CDH1: variants seen among roughly 807,000 people sequenced by gnomAD.
CDH1 encodes cadherin-1.
A neutral mutation model predicts 84.5 loss-of-function variants in CDH1; 35 were observed. The observed-to-expected ratio is 0.41, with a 90% CI of 0.32 to 0.55. The LOEUF is 0.55. Among genes scored for constraint, CDH1 ranks in the 20% least tolerant of loss-of-function variants. CDH1 has a pLI of 0.19. For missense variants in CDH1, 994 were observed against 1,126.6 expected (o/e 0.88, Z 1.68); for synonymous variants, 417 against 439.0 (o/e 0.95, Z 0.63).
At chr16:68,805,746 C>T (rs1409391486) in intron 3 of CDH1, among the ~76,000 whole-genome samples, 1 of 151,880 alleles carries the variant, frequency 6.6e-6, no homozygotes, top group East Asian at 1.9e-4. Flanking sequence ...AGGTGTGCAC[C>T]ACCACACCCA....
At chr16:68,793,930 CAAA>C (rs35590027) in intron 2 of CDH1, among the ~76,000 whole-genome samples, 8 of 86,456 alleles carry the variant, frequency 9.3e-5, no homozygotes, top group South Asian at 3.8e-4. Flanking sequence ...GACTCTGTCT[CAAA>C]AAAAAAAAAA....
chr16:68,781,674 A>G (rs1044922593), intron 2 of CDH1, among the ~76,000 whole-genome samples: 6 of 151,988 alleles, frequency 3.9e-5, no homozygotes, highest in Non-Finnish European at 8.8e-5. Context: ...GGGTCTCACT[A>G]TGTTGCCCAG....
intron 2 of CDH1, among the ~76,000 whole-genome samples, chr16:68,772,621 T>C (rs2152120956): frequency 6.6e-6 from 1 of 152,164 alleles, no homozygotes; most frequent in East Asian, 1.9e-4. Flanking sequence ...CACCACACTA[T>C]GTCAAATTGC....
intron 2 of CDH1, among the ~76,000 whole-genome samples, chr16:68,757,225 A>C (rs1337766382): frequency 1.3e-5 from 2 of 151,856 alleles, no homozygotes; most frequent in Non-Finnish European, 2.9e-5. Context: ...AGTAGCTGGG[A>C]TTATAGGCCA....
At chr16:68,801,971 T>C (rs369327990) in intron 3 of CDH1, 78 bp downstream of exon 3, 2 of 1,201,564 alleles carry the variant, frequency 1.7e-6, no homozygotes, top group African/African-American at 3.0e-5. Flanking sequence ...CTTGGTACCG[T>C]TGACATTTTG....
At chr16:68,820,179 A>G (rs1184593681) in intron 11 of CDH1, among the ~76,000 whole-genome samples, 2 of 151,942 alleles carry the variant, frequency 1.3e-5, no homozygotes, top group South Asian at 2.1e-4. Flanking sequence ...ATCCTGGGCA[A>G]CAGAGCAAGA....
rs1960739930 is a variant in CDH1 at position 68,808,774 on chromosome 16, T to C, written c.613T>C (p.Phe205Leu). The change falls in exon 5 of 16, where the codon TTT (phenylalanine) becomes CTT (leucine). Residue 205 changes from phenylalanine (F) to leucine (L), a missense_variant. By Grantham distance (22) the Phe-to-Leu change is conservative. Around this residue, in one of 3 missense-constraint regions of CDH1, gnomAD observed 769 missense variants for 881.8 expected, o/e 0.87. Transcript: ENST00000261769. ...QGADTPPVGV[F>L]IIERETGWLK... is the part of the protein sequence containing the mutation. ...AGCTGACACACCCCCTGTTGGTGTC[T>C]TTATTATTGAAAGAGAAACAGGATG... is the stretch of plus-strand genomic sequence containing the variant. 6.2e-7 allele frequency: 1 copy of C among 1,614,184 alleles called. No individual in the cohort carries two copies. Among genetic ancestry groups the C allele is most frequent in the Non-Finnish European group, 8.5e-7 (1 of 1,180,028 alleles).
intron 2 of CDH1, among the ~76,000 whole-genome samples, chr16:68,786,219 C>T (rs778214100): frequency 4.6e-5 from 7 of 151,964 alleles, no homozygotes; most frequent in South Asian, 2.1e-4. Context: ...TCGCCCAGGC[C>T]GGAGTGCAGT....
chr16:68,810,450 C>T lies in CDH1; in HGVS notation c.832+109C>T, dbSNP rs111943955. On this transcript the variant is annotated intron_variant, in intron 6 of 15. Coordinates refer to ENST00000261769, the MANE Select transcript of CDH1 (RefSeq NM_004360.5). ...GTGTAACTAAAGCTGATCCTTCCTA[C>T]GGACAGAACTTCTTGGCAAGCCATT... is the stretch of plus-strand genomic sequence containing the variant. The T allele has an allele frequency of 1.1e-4, 116 of 1,025,574 alleles. No homozygotes were observed. The African/African-American group carries it at 1.3e-3, about 11-fold the overall frequency. The allele number at this position is 1,025,574 out of a possible 1,614,324, so 63.5% of individuals were successfully genotyped here.
At chr16:68,814,112 A>G (rs1462224666) in intron 9 of CDH1, among the ~76,000 whole-genome samples, 2 of 141,984 alleles carry the variant, frequency 1.4e-5, no homozygotes, top group African/African-American at 5.3e-5. Flanking sequence ...GTGTGCACCT[A>G]TAGTCCCAGC....
chr16:68,782,065 A>T (rs1279960851), intron 2 of CDH1, among the ~76,000 whole-genome samples: 1 of 152,158 alleles, frequency 6.6e-6, no homozygotes, highest in Non-Finnish European at 1.5e-5. Flanking sequence ...GCTGTTCCCC[A>T]TGGTATCAAA....
At chr16:68,741,879 C>T (rs186581338) in intron 2 of CDH1, among the ~76,000 whole-genome samples, 23 of 152,308 alleles carry the variant, frequency 1.5e-4, no homozygotes, top group Non-Finnish European at 3.1e-4. Context: ...TCATATTGGT[C>T]AGGCTGGTCT....
At position 68,833,283 on chromosome 16, in the gene CDH1, TC is replaced by T. The variant is rs745901278; in HGVS notation, c.2440-6del. ...ACTAAAAGATGCTTTTGTCCCTTCT[TC>T]TTTAGAATCTGAAAGCGGCTGATAC... On this transcript the variant is annotated splice_region_variant and splice_polypyrimidine_tract_variant and intron_variant, in intron 15 of 15. Transcript: ENST00000261769. The T allele has an allele frequency of 1.9e-6, 3 of 1,613,462 alleles. No homozygotes were observed. The highest frequency in any genetic ancestry group is 1.7e-6 in the Non-Finnish European group (2 of 1,179,518).
chr16:68,815,940 C>T (rs112738819), intron 10 of CDH1, among the ~76,000 whole-genome samples, 181 bp downstream of exon 10: 1 of 152,202 alleles, frequency 6.6e-6, no homozygotes, highest in African/African-American at 2.4e-5. Context: ...CCTTCACAGA[C>T]AGCCGTTCTT....
rs1204592883 is a variant in CDH1, at chr16:68,834,417, A to C, written c.*918A>C. On this transcript the variant is annotated 3_prime_UTR_variant, in exon 16 of 16. Coordinates refer to ENST00000261769, the MANE Select transcript of CDH1 (RefSeq NM_004360.5). ...TTTTTTGTACAGATGGGGTCTTGCTATGTTGCCCAAGCTGGTCTTAAACTC... is the reference window on the plus strand; with the variant it reads ...TTTTTTGTACAGATGGGGTCTTGCTCTGTTGCCCAAGCTGGTCTTAAACTC... 2.7e-6 allele frequency: 1 copy of C among 370,856 alleles called. No homozygotes were observed. Among genetic ancestry groups the C allele is most frequent in the Non-Finnish European group, 5.2e-6 (1 of 190,770 alleles). 23.0% of individuals were successfully genotyped at this position (370,856 alleles called of 1,614,324 possible).
intron 15 of CDH1, among the ~76,000 whole-genome samples, chr16:68,830,934 T>C (rs1341473715): frequency 6.6e-6 from 1 of 152,042 alleles, no homozygotes; most frequent in East Asian, 1.9e-4. Context: ...AAAGAAATGG[T>C]CCAGCAGGAT....
At chr16:68,758,888 C>T (rs1040848537) in intron 2 of CDH1, among the ~76,000 whole-genome samples, 8 of 151,880 alleles carry the variant, frequency 5.3e-5, no homozygotes, top group African/African-American at 1.5e-4. Flanking sequence ...TTCCGCCTCC[C>T]GGGTTCAAGC....
At chr16:68,739,532 T>C (rs371542411) in intron 2 of CDH1, among the ~76,000 whole-genome samples, 2 of 152,026 alleles carry the variant, frequency 1.3e-5, no homozygotes, top group South Asian at 2.1e-4. Context: ...CTCAAAGTGC[T>C]GGGATTGCAG....
intron 2 of CDH1, among the ~76,000 whole-genome samples, chr16:68,790,012 C>T (rs1418697639): frequency 1.3e-5 from 2 of 152,156 alleles, no homozygotes; most frequent in Non-Finnish European, 2.9e-5. Context: ...GCCAAGATCA[C>T]ACCATTGCAC....
Sources: gnomAD v4.1 joint callset for allele counts (sites outside exome capture counted in the v4.1 genomes callset) on GRCh38, gnomAD v4.1.1 for gene constraint, gnomAD v4.1.1 regional missense constraint, MANE v1.5 for transcripts, NCBI Gene and HGNC (gene_info 2026-07-23, HGNC 2026-07-21) for gene names.